AGL: variants seen among roughly 807,000 people sequenced by gnomAD.
AGL encodes the protein glycogen debranching enzyme.
A neutral mutation model predicts 199.3 loss-of-function variants in AGL; 128 were observed. The observed-to-expected ratio is 0.64, with a 90% CI of 0.56 to 0.74. AGL has a LOEUF of 0.74. Among genes scored for constraint, AGL ranks in the 30% least tolerant of loss-of-function variants. The pLI, the probability that AGL is intolerant of heterozygous loss-of-function variation, is 0.00. For synonymous variants in AGL, 584 were observed against 594.7 expected, an observed-to-expected ratio of 0.98 and a Z score of 0.26; for missense variants, 1,809 against 1,820.8, an observed-to-expected ratio of 0.99 and a Z score of 0.12.
At chr1:99,885,217 A>G (rs1014188001) in intron 20 of AGL, among the ~76,000 whole-genome samples, 2 of 152,322 alleles carry the variant, frequency 1.3e-5, no homozygotes, top group East Asian at 1.9e-4. Context: ...ACAGAAGAAT[A>G]TAGGTTTTGA....
intron 30 of AGL, 46 bp downstream of exon 30, chr1:99,913,784 AGTTT>A (rs1407278539): frequency 1.2e-5 from 19 of 1,555,588 alleles, no homozygotes; most frequent in Non-Finnish European, 1.6e-5. Flanking sequence ...GATGTGCTAG[AGTTT>A]GCTTAGTTCC....
chr1:99,895,272 A>T (rs1653210165), intron 24 of AGL, among the ~76,000 whole-genome samples: 1 of 152,144 alleles, frequency 6.6e-6, no homozygotes, highest in African/African-American at 2.4e-5. Flanking sequence ...ATGGTCTCGA[A>T]TTCCTGACCT....
At chr1:99,913,454 A>T in intron 29 of AGL, 73 bp from the exon 30 acceptor site, 1 of 1,223,988 alleles carries the variant, frequency 8.2e-7, no homozygotes, top group Non-Finnish European at 1.2e-6. Context: ...ACTAAATATT[A>T]CTATTTGTCT....
At chr1:99,921,009 T>G (rs1557797869) in intron 33 of AGL, among the ~76,000 whole-genome samples, 1 of 152,190 alleles carries the variant, frequency 6.6e-6, no homozygotes. Context: ...ATAATATACA[T>G]AAAAGCAGTA....
At position 99,887,979 on chromosome 1, in the gene AGL, C is replaced by G. The variant is rs116729982; in HGVS notation, c.2683C>G (p.Leu895Val). The part of the protein sequence containing the change: ...DPILKIPFAS[L>V]ASRLTLAELN... The stretch of plus-strand genomic sequence containing the variant: ...TTATCTTTATTTTCCAATTCTTAGT[C>G]TTGCCTCCAGATTAACTTTGGCTGA... Residue 895 changes from leucine (L) to valine (V), a missense_variant and splice_region_variant, in exon 21 of 34, where the codon CTT becomes GTT. Transcript: ENST00000361915. The G allele has an allele frequency of 4.3e-6, 7 of 1,613,170 alleles. No individual in the cohort carries two copies. In the Admixed American group the frequency reaches 1.0e-4, roughly 23 times the overall value.
intron 7 of AGL, among the ~76,000 whole-genome samples, chr1:99,873,729 C>T (rs760912721): frequency 5.9e-5 from 9 of 152,116 alleles, no homozygotes; most frequent in South Asian, 2.1e-4. Context: ...CCACCATGCC[C>T]GGCGGCAGTT....
chr1:99,919,405 G>GT (rs1485837229), intron 33 of AGL, among the ~76,000 whole-genome samples: 1 of 152,084 alleles, frequency 6.6e-6, no homozygotes, highest in Non-Finnish European at 1.5e-5. Context: ...GCCCAGCAAG[G>GT]TTTTCAACAC....
chr1:99,913,437 AAAATAAACT>A, intron 29 of AGL, 81 bp from the exon 30 acceptor site: 1 of 1,132,132 alleles, frequency 8.8e-7, no homozygotes, highest in Non-Finnish European at 1.3e-6. Context: ...GTAGTAGATA[AAAATAAACT>A]AAATATTACT....
At chr1:99,850,837 T>G in intron 1 of AGL, 138 bp from the exon 2 acceptor site, 1 of 600,674 alleles carries the variant, frequency 1.7e-6, no homozygotes, top group East Asian at 2.9e-5. Flanking sequence ...TCTCGAATCT[T>G]AATAGTTATA....
In AGL at chr1:99,884,150, G is replaced by C. The variant is rs1374626127; in HGVS notation, c.2339G>C (p.Arg780Thr). 1.2e-6 allele frequency: 2 copies of C among 1,612,628 alleles called. No homozygotes were observed. Among genetic ancestry groups the C allele is most frequent in the South Asian group, 1.1e-5 (1 of 91,012 alleles). Residue 780 changes from arginine (R) to threonine (T), a missense_variant, in exon 18 of 34, where the codon AGA (arginine) becomes ACA (threonine). By Grantham distance (71) the Arg-to-Thr change is moderately conservative (BLOSUM62 -1). Transcript: ENST00000361915. ...ATTGAAGAAGTAGTTCTTGAAGCTAGAACTATTGAGAGAAACACGAAACCT... is the reference window on the plus strand; with the variant it reads ...ATTGAAGAAGTAGTTCTTGAAGCTACAACTATTGAGAGAAACACGAAACCT... ...GKIEEVVLEA[R>T]TIERNTKPYR...
chr1:99,880,638 T>C lies in AGL; in HGVS notation c.1742T>C (p.Met581Thr). The change falls in exon 14 of 34, where the codon ATG becomes ACG. Residue 581 changes from methionine (M) to threonine (T), a missense_variant. By Grantham distance (81) the Met-to-Thr change is moderately conservative. Coordinates refer to ENST00000361915, the MANE Select transcript of AGL (RefSeq NM_000642.3). ...LGISSLIREAMSAYNSHEEGR... is the reference protein window; with the variant it reads ...LGISSLIREATSAYNSHEEGR... ...ATTCTGTAATGCTCTGCAGAGGCAATGAGTGCATATAATAGTCATGAAGAG... is the reference window on the plus strand; with the variant it reads ...ATTCTGTAATGCTCTGCAGAGGCAACGAGTGCATATAATAGTCATGAAGAG... The C allele has an allele frequency of 6.2e-7, 1 of 1,613,890 alleles. No homozygotes were observed. Among genetic ancestry groups the C allele is most frequent in the Non-Finnish European group, 8.5e-7 (1 of 1,179,822 alleles).
intron 33 of AGL, among the ~76,000 whole-genome samples, chr1:99,919,303 A>G (rs906742798): frequency 6.6e-6 from 1 of 152,188 alleles, no homozygotes; most frequent in African/African-American, 2.4e-5. Flanking sequence ...TAATGTCTTA[A>G]TGTCCAGTTC....
In AGL at chr1:99,888,201, C is replaced by T. The variant is rs1046148333; in HGVS notation, c.2812+93C>T. On this transcript the variant is annotated intron_variant, in intron 21 of 33. Coordinates refer to ENST00000361915, the MANE Select transcript of AGL (RefSeq NM_000642.3). ...GACATAGATATAGGCTCAGAGTATG[C>T]CTACTTGGGTTGCAATTATGGCTCT... 49 of 1,527,198 alleles carry T rather than the reference C, an allele frequency of 3.2e-5. No individual in the cohort carries two copies. The Admixed American group carries it at 7.1e-4, about 22-fold the overall frequency. 94.6% of individuals were successfully genotyped at this position (1,527,198 alleles called of 1,614,324 possible).
Position 99,864,447 on chromosome 1 carries a change from C to T in AGL, c.522C>T (p.Ser174=). The T allele has an allele frequency of 6.2e-7, 1 of 1,613,856 alleles. No individual in the cohort carries two copies. Among genetic ancestry groups the T allele is most frequent in the South Asian group, 1.1e-5 (1 of 91,076 alleles). The part of the protein sequence containing the change: ...QTLGLSRSCY[S]LANQLELNPD... ...TTGGACTATCTAGGTCATGCTACTCCCTTGCCAATCAGTTAGAATTAAATC... is the reference window on the plus strand; with the variant it reads ...TTGGACTATCTAGGTCATGCTACTCTCTTGCCAATCAGTTAGAATTAAATC... Residue 174 remains serine, a synonymous_variant, in exon 5 of 34, where the codon TCC becomes TCT. Transcript: ENST00000361915.
Position 99,916,648 on chromosome 1 carries a change from C to G in AGL, c.4398C>G (p.Ser1466=). Residue 1466 remains serine (S), a synonymous_variant, in exon 33 of 34, where the codon TCC becomes TCG. Transcript: ENST00000361915. The part of the protein sequence containing the change: ...GYFLRAKLYF[S]RLMGPETTAK... Reference sequence around the variant, plus strand: ...TTCTTCGTGCAAAATTATATTTTTCCAGATTGATGGGCCCGGAGACTACTG... The same window carrying G: ...TTCTTCGTGCAAAATTATATTTTTCGAGATTGATGGGCCCGGAGACTACTG... 6.2e-7 allele frequency: 1 copy of G among 1,612,934 alleles called. No homozygotes were observed.
chr1:99,889,183 T>C (rs1355640345), intron 21 of AGL, among the ~76,000 whole-genome samples: 1 of 152,210 alleles, frequency 6.6e-6, no homozygotes, highest in African/African-American at 2.4e-5. Context: ...TAATTCATAC[T>C]AAGTAATTGG....
chr1:99,919,805 C>A (rs1008801555), intron 33 of AGL, among the ~76,000 whole-genome samples: 1 of 152,188 alleles, frequency 6.6e-6, no homozygotes, highest in African/African-American at 2.4e-5. Flanking sequence ...GCCTGCTACC[C>A]CACAGTAAGC....
At position 99,891,754 on chromosome 1, in the gene AGL, G is replaced by A; in HGVS notation, c.3083+15G>A. On this transcript the variant is annotated intron_variant, in intron 23 of 33. Coordinates refer to ENST00000361915, the MANE Select transcript of AGL (RefSeq NM_000642.3). ...CAGATGTCAAGGTATATCCAACAAA[G>A]CTTGAATAAATGGGCATATCTGTGT... is the stretch of plus-strand genomic sequence containing the variant. The A allele has an allele frequency of 6.2e-7, 1 of 1,613,148 alleles. No individual in the cohort carries two copies. The highest frequency in any genetic ancestry group is 2.2e-5 in the East Asian group (1 of 44,804).
intron 12 of AGL, among the ~76,000 whole-genome samples, chr1:99,879,128 G>C (rs1327898163): frequency 6.6e-6 from 1 of 152,180 alleles, no homozygotes; most frequent in African/African-American, 2.4e-5. Flanking sequence ...ATTGTAAGGT[G>C]TAAGAGTTTT....
Sources: gnomAD v4.1 joint callset for allele counts (sites outside exome capture counted in the v4.1 genomes callset) on GRCh38, gnomAD v4.1.1 for gene constraint, MANE v1.5 for transcripts, NCBI Gene and HGNC (gene_info 2026-07-23, HGNC 2026-07-21) for gene names.